EXOC5: variants seen among roughly 807,000 people sequenced by gnomAD.
EXOC5 encodes the protein SEC10-like 1.
A neutral mutation model predicts 90.8 loss-of-function variants in EXOC5; 17 were observed. That is an observed-to-expected ratio of 0.19 (90% CI 0.13 to 0.28). EXOC5 has a LOEUF of 0.28. EXOC5 is among the 10% of genes least tolerant of loss of function. EXOC5 has a pLI of 1.00. For missense variants in EXOC5, 569 were observed against 830.6 expected (o/e 0.69, Z 3.87); for synonymous variants, 260 against 270.0 (o/e 0.96, Z 0.36).
chr14:57,268,309 G>A, intron 1 of EXOC5: 1 of 577,186 alleles, frequency 1.7e-6, no homozygotes, highest in East Asian at 3.6e-5. Flanking sequence ...ATCCGGAGTA[G>A]ACATCTTCCA....
chr14:57,256,620 C>A (rs988866815), intron 1 of EXOC5, among the ~76,000 whole-genome samples: 1 of 152,152 alleles, frequency 6.6e-6, no homozygotes, highest in Non-Finnish European at 1.5e-5. Context: ...CAATAATGTG[C>A]CATCCAGATT....
At chr14:57,213,633 G>A (rs572934208) in intron 15 of EXOC5, among the ~76,000 whole-genome samples, 104 of 151,782 alleles carry the variant, frequency 6.9e-4, no homozygotes, top group African/African-American at 2.4e-3. Context: ...GTCTCAGTTC[G>A]AGACTGAGCC....
chr14:57,249,819 T>C (rs1260844800), intron 1 of EXOC5, among the ~76,000 whole-genome samples: 1 of 152,218 alleles, frequency 6.6e-6, no homozygotes, highest in East Asian at 1.9e-4. Context: ...TTGCCCAGGC[T>C]GGAGTGCAGT....
intron 1 of EXOC5, among the ~76,000 whole-genome samples, chr14:57,252,905 T>C (rs1485588754): frequency 2.6e-5 from 4 of 152,086 alleles, no homozygotes; most frequent in Admixed American, 1.3e-4. Context: ...AATGGATGAA[T>C]GGATAAAGAA....
In EXOC5 at chr14:57,242,411, A is replaced by ATT. The variant is rs11453464; in HGVS notation, c.465+1752_465+1753dup. 1.6e-3 allele frequency among the ~76,000 whole-genome samples: 231 copies of ATT among 145,848 alleles called. 1 individual carries two copies. The highest frequency in any genetic ancestry group is 5.5e-3 in the African/African-American group (220 of 40,116). Reference sequence around the variant, plus strand: ...GGACATGTGCCACAACGGTCAGCTAATTTTTTTTTTTTGGTAGAGATGCGG... The same window carrying ATT: ...GGACATGTGCCACAACGGTCAGCTAATTTTTTTTTTTTTTGGTAGAGATGCGG... On this transcript the variant is annotated intron_variant, in intron 4 of 17. Coordinates refer to ENST00000621441, the MANE Select transcript of EXOC5 (RefSeq NM_006544.4).
At position 57,268,693 on chromosome 14, in the gene EXOC5, C is replaced by T. The variant is rs1884779168; in HGVS notation, c.-45G>A. On this transcript the variant is annotated 5_prime_UTR_variant, in exon 1 of 18. Transcript: ENST00000621441. The stretch of plus-strand genomic sequence containing the variant: ...CGCCCCCCACTGGATGCCGTCTCCG[C>T]TTCACATGCTGCGCCTCAGAGGCGC... The T allele has an allele frequency of 1.9e-6, 3 of 1,563,728 alleles. No homozygotes were observed. Among genetic ancestry groups the T allele is most frequent in the Non-Finnish European group, 2.6e-6 (3 of 1,164,320 alleles).
rs1395280479 is a variant in EXOC5, at chr14:57,202,952, T to C, written c.*5657A>G. The C allele has an allele frequency of 1.3e-5, 2 of 152,212 alleles. No individual in the cohort carries two copies. Among genetic ancestry groups the C allele is most frequent in the African/African-American group, 4.8e-5 (2 of 41,450 alleles). 9.4% of individuals were successfully genotyped at this position (152,212 alleles called of 1,614,324 possible). A position where few individuals can be genotyped will look rare whatever the true frequency, so the allele number is the denominator to read the frequency against. ...ACTTAAGAGAGGCACTTAGGTATTA[T>C]TCCTTATAAAATATTTTCACATAAC... On this transcript the variant is annotated 3_prime_UTR_variant, in exon 18 of 18. Transcript: ENST00000621441.
At chr14:57,246,622 T>G in intron 3 of EXOC5, 89 bp downstream of exon 3, 1 of 1,117,970 alleles carries the variant, frequency 8.9e-7, no homozygotes, top group Non-Finnish European at 1.3e-6. Context: ...TACTATCATC[T>G]GACTAGACTT....
chr14:57,266,266 C>G (rs918208067), intron 1 of EXOC5, among the ~76,000 whole-genome samples: 1 of 152,294 alleles, frequency 6.6e-6, no homozygotes, highest in African/African-American at 2.4e-5. Flanking sequence ...AAAGATACTT[C>G]CCGTGACTCT....
chr14:57,239,696 C>A (rs889082892), intron 4 of EXOC5, 37 bp from the exon 5 acceptor site: 4 of 1,264,972 alleles, frequency 3.2e-6, no homozygotes, highest in Non-Finnish European at 4.4e-6. Flanking sequence ...ATTTAAAAAA[C>A]TTTTAGGCAT....
chr14:57,252,162 T>A (rs1022400443), intron 1 of EXOC5, among the ~76,000 whole-genome samples: 1 of 152,160 alleles, frequency 6.6e-6, no homozygotes, highest in Non-Finnish European at 1.5e-5. Context: ...TCTCAAACTT[T>A]TCCAAAAAAC....
Position 57,208,113 on chromosome 14 carries a change from A to C in EXOC5, c.*496T>G, listed in dbSNP as rs1372287899. The C allele has an allele frequency of 6.6e-6, 1 of 152,454 alleles. No homozygotes were observed. Among genetic ancestry groups the C allele is most frequent in the African/African-American group, 2.4e-5 (1 of 41,470 alleles). The allele number at this position is 152,454 out of a possible 1,614,324, so 9.4% of individuals were successfully genotyped here. ...TTAACCTTTTGAAAGAGGCAAAAAA[A>C]TTATTTACGAAAACCTAAAATAATC... On this transcript the variant is annotated 3_prime_UTR_variant, in exon 18 of 18. Transcript: ENST00000621441.
At chr14:57,236,287 CTTTTTTTT>C (rs746905430) in intron 6 of EXOC5, among the ~76,000 whole-genome samples, 1 of 130,444 alleles carries the variant, frequency 7.7e-6, no homozygotes, top group African/African-American at 2.9e-5. Flanking sequence ...TTTTCATTTT[CTTTTTTTT>C]TTTTTTTTCG....
At position 57,222,435 on chromosome 14, in the gene EXOC5, AC is replaced by A; in HGVS notation, c.1297-20del. 7.3e-7 allele frequency: 1 copy of A among 1,370,894 alleles called. No individual in the cohort carries two copies. The highest frequency in any genetic ancestry group is 1.0e-6 in the Non-Finnish European group (1 of 971,562). 84.9% of individuals were successfully genotyped at this position (1,370,894 alleles called of 1,614,324 possible). A position where few individuals can be genotyped will look rare whatever the true frequency, so the allele number is the denominator to read the frequency against. On this transcript the variant is annotated intron_variant, in intron 12 of 17. Coordinates refer to ENST00000621441, the MANE Select transcript of EXOC5 (RefSeq NM_006544.4). The stretch of plus-strand genomic sequence containing the variant: ...CAGAGAGCTTAAAAACAAAAATCAA[AC>A]AATATCACTCCTCAAGTCTACCTTT...
intron 1 of EXOC5, among the ~76,000 whole-genome samples, chr14:57,249,465 T>C (rs191137437): frequency 0.034 from 5,203 of 152,076 alleles, 298 homozygotes; most frequent in African/African-American, 0.12. Flanking sequence ...TAAAGACTTA[T>C]AAATAGCAGG....
chr14:57,231,908 A>G, intron 10 of EXOC5, 193 bp from the exon 11 acceptor site: 1 of 481,480 alleles, frequency 2.1e-6, no homozygotes, highest in Middle Eastern at 5.6e-4. Context: ...AATATTACGA[A>G]CAACTTTACG....
At chr14:57,223,513 C>T (rs1358265595) in intron 12 of EXOC5, among the ~76,000 whole-genome samples, 1 of 152,006 alleles carries the variant, frequency 6.6e-6, no homozygotes, top group Non-Finnish European at 1.5e-5. Flanking sequence ...TACTACCCAA[C>T]CTTTACCCCT....
intron 15 of EXOC5, among the ~76,000 whole-genome samples, chr14:57,212,021 G>A (rs1337355101): frequency 6.6e-6 from 1 of 152,120 alleles, no homozygotes; most frequent in Non-Finnish European, 1.5e-5. Flanking sequence ...CAGAACACCT[G>A]TCTAATTCTT....
chr14:57,208,390 C>T lies in EXOC5; in HGVS notation c.*219G>A. 2.6e-6 allele frequency: 1 copy of T among 387,244 alleles called. No homozygotes were observed. The highest frequency in any genetic ancestry group is 4.6e-6 in the Non-Finnish European group (1 of 216,360). 24.0% of individuals were successfully genotyped at this position (387,244 alleles called of 1,614,324 possible). On this transcript the variant is annotated 3_prime_UTR_variant, in exon 18 of 18. Coordinates refer to ENST00000621441, the MANE Select transcript of EXOC5 (RefSeq NM_006544.4). ...TACATTCAAGAATGGAATTAAAATT[C>T]AATGTGAGGGGAAAAAAGCAAAATA...
Sources: allele counts gnomAD v4.1 joint callset (sites outside exome capture counted in the v4.1 genomes callset), GRCh38; gene constraint gnomAD v4.1.1; transcripts MANE v1.5; gene names NCBI Gene and HGNC (gene_info 2026-07-23, HGNC 2026-07-21).